The following TTBK1 variants were observed in gnomAD, a reference collection of about 807,000 sequenced individuals.
The protein encoded by TTBK1 is tau-tubulin kinase 1.
A neutral mutation model predicts 108.5 loss-of-function variants in TTBK1; 34 were observed. The observed-to-expected ratio is 0.31, with a 90% confidence interval of 0.24 to 0.42. The LOEUF (loss-of-function observed/expected upper bound fraction) is 0.42. Among genes scored for constraint, TTBK1 ranks in the 10% least tolerant of loss-of-function variants. The probability of loss-of-function intolerance (pLI) is 1.00; values close to 1 mark genes in which losing one functional copy is unlikely to be tolerated. For missense variants in TTBK1, 1,539 were observed against 1,826.0 expected, an observed-to-expected ratio of 0.84 and a Z score of 2.86; for synonymous variants, 809 against 795.1, an observed-to-expected ratio of 1.02 and a Z score of -0.29.
intron 2 of TTBK1, among the ~76,000 whole-genome samples, chr6:43,250,606 A>G (rs893248998): frequency 2.0e-5 from 3 of 151,982 alleles, no homozygotes; most frequent in African/African-American, 7.2e-5. Flanking sequence ...TGATCCACCC[A>G]CTTCAGCCTC....
At chr6:43,271,676 C>T in intron 13 of TTBK1, 1 of 985,344 alleles carries the variant, frequency 1.0e-6, no homozygotes, top group Non-Finnish European at 1.2e-6. Flanking sequence ...CAGAGGGCCA[C>T]CATTGTGGTA....
rs373491134 is a variant in TTBK1, at chr6:43,283,975, T to C, written c.3235T>C (p.Trp1079Arg). 2 of 1,610,950 alleles carry C rather than the reference T, an allele frequency of 1.2e-6. No homozygotes were observed. The highest frequency in any genetic ancestry group is 2.2e-5 in the East Asian group (1 of 44,764). Residue 1079 changes from tryptophan (W) to arginine (R), a missense_variant, in exon 14 of 15, where the codon TGG becomes CGG. Coordinates refer to ENST00000259750, the MANE Select transcript of TTBK1 (RefSeq NM_032538.3). This position sits in a 1 kb window ranked among gnomAD's most constrained non-coding sequence, Gnocchi z 8.1. Reference protein sequence around the residue: ...PSGSLSAKERWSKRARPQQDL... With the variant: ...PSGSLSAKERRSKRARPQQDL... ...AGGCTCACTGTCGGCCAAAGAGCGG[T>C]GGAGCAAGCGGGCTCGGCCGCAGCA...
chr6:43,278,087 T>C lies in TTBK1; in HGVS notation c.1987-4640T>C, dbSNP rs568082981. On this transcript the variant is annotated intron_variant, in intron 13 of 14. Coordinates refer to ENST00000259750, the MANE Select transcript of TTBK1 (RefSeq NM_032538.3). Reference sequence around the variant, plus strand: ...GCCTGAAGTCTGGGGCTGGCTGGGGTCCAGGCAGGAGTGGCTCCATGCACC... The same window carrying C: ...GCCTGAAGTCTGGGGCTGGCTGGGGCCCAGGCAGGAGTGGCTCCATGCACC... Among the ~76,000 whole-genome samples the C allele has an allele frequency of 4.6e-5, 7 of 152,030 alleles. No homozygotes were observed. In the South Asian group the frequency reaches 1.5e-3, roughly 32 times the overall value.
In TTBK1 at chr6:43,253,790, C is replaced by T; in HGVS notation, c.471+82C>T. Reference sequence around the variant, plus strand: ...CTTTCCCTGGGTCTCCTGGTTTCTCCTCTGCAACCATGGTTGGGACTTGTG... The same window carrying T: ...CTTTCCCTGGGTCTCCTGGTTTCTCTTCTGCAACCATGGTTGGGACTTGTG... On this transcript the variant is annotated intron_variant, in intron 5 of 14. Transcript: ENST00000259750. The surrounding 1 kb of genome is among the most constrained non-coding windows in gnomAD (Gnocchi z 5.8). The T allele has an allele frequency of 1.3e-6, 2 of 1,499,300 alleles. No individual in the cohort carries two copies. Among genetic ancestry groups the T allele is most frequent in the South Asian group, 2.7e-5 (2 of 74,000 alleles). The allele number at this position is 1,499,300 out of a possible 1,614,324, so 92.9% of individuals were successfully genotyped here.
Position 43,269,888 on chromosome 6 carries a change from G to T in TTBK1, c.1986+6538G>T. On this transcript the variant is annotated intron_variant, in intron 13 of 14. Transcript: ENST00000259750. The surrounding 1 kb of genome is among the most constrained non-coding windows in gnomAD (Gnocchi z 4.8). ...CTGGCAACCACAGACTCATGCCCTC[G>T]GTGCTCCGCATCTCGCGGTCCCAGC... 1 of 1,518,970 alleles carries T rather than the reference G, an allele frequency of 6.6e-7. No individual in the cohort carries two copies. The highest frequency in any genetic ancestry group is 8.8e-7 in the Non-Finnish European group (1 of 1,137,192). The allele number at this position is 1,518,970 out of a possible 1,614,324, so 94.1% of individuals were successfully genotyped here.
chr6:43,261,518 A>G (rs1777538494), intron 12 of TTBK1, among the ~76,000 whole-genome samples: 2 of 152,190 alleles, frequency 1.3e-5, no homozygotes, highest in South Asian at 4.1e-4. Flanking sequence ...TTCACAGCAC[A>G]GTTCAATATA....
At position 43,285,642 on chromosome 6, in the gene TTBK1, G is replaced by A; in HGVS notation, c.*266G>A. ...GTGTCCTCTCATCCTCCCGCCGCCC[G>A]TCAGGCCGGCCAGCCTCACATCAGT... On this transcript the variant is annotated 3_prime_UTR_variant, in exon 15 of 15. Coordinates refer to ENST00000259750, the MANE Select transcript of TTBK1 (RefSeq NM_032538.3). This position sits in a 1 kb window ranked among gnomAD's most constrained non-coding sequence, Gnocchi z 4.7. 1 of 302,606 alleles carries A rather than the reference G, an allele frequency of 3.3e-6. No individual in the cohort carries two copies. The highest frequency in any genetic ancestry group is 5.9e-6 in the Non-Finnish European group (1 of 168,150). 18.7% of individuals were successfully genotyped at this position (302,606 alleles called of 1,614,324 possible).
chr6:43,284,365 AC>A, intron 14 of TTBK1, 53 bp downstream of exon 14: 1 of 1,498,616 alleles, frequency 6.7e-7, no homozygotes. Context: ...ACAGGCCTCC[AC>A]CAGGAGGGGC....
intron 1 of TTBK1, among the ~76,000 whole-genome samples, chr6:43,245,350 T>C (rs867879655): frequency 1.4e-4 from 22 of 152,060 alleles, no homozygotes; most frequent in African/African-American, 4.8e-4. Context: ...TTCTAAAAAG[T>C]GTGAGGGAAA....
Position 43,248,259 on chromosome 6 carries a change from C to T in TTBK1, c.108+1491C>T, listed in dbSNP as rs187104130. Among the ~76,000 whole-genome samples, 5 of 152,274 alleles carry T rather than the reference C, an allele frequency of 3.3e-5. No homozygotes were observed. The East Asian group carries it at 7.7e-4, about 23-fold the overall frequency. On this transcript the variant is annotated intron_variant, in intron 2 of 14. Transcript: ENST00000259750. The stretch of plus-strand genomic sequence containing the variant: ...GCAACCTCTCCTCACCTCCGACCCC[C>T]ACCCCTGGAGTGTTAGAGAGGGTGA...
At chr6:43,246,850 T>C in intron 2 of TTBK1, 82 bp downstream of exon 2, 1 of 1,077,046 alleles carries the variant, frequency 9.3e-7, no homozygotes, top group Non-Finnish European at 1.4e-6. Context: ...ACCGGTGCCC[T>C]CCGCTCCCCT....
chr6:43,259,739 C>G lies in TTBK1; in HGVS notation c.1424+33C>G, dbSNP rs1189335512. On this transcript the variant is annotated intron_variant, in intron 12 of 14. Transcript: ENST00000259750. The surrounding 1 kb of genome is among the most constrained non-coding windows in gnomAD (Gnocchi z 6.7). ...TGGGGCCAGGGGCATGGTTGGGGCC[C>G]AAGGCCCTCTCCGCCTTCACGTGGC... 1 of 1,518,768 alleles carries G rather than the reference C, an allele frequency of 6.6e-7. No individual in the cohort carries two copies. The highest frequency in any genetic ancestry group is 2.4e-5 in the East Asian group (1 of 41,256). 94.1% of individuals were successfully genotyped at this position (1,518,768 alleles called of 1,614,324 possible). A position where few individuals can be genotyped will look rare whatever the true frequency, so the allele number is the denominator to read the frequency against.
intron 2 of TTBK1, among the ~76,000 whole-genome samples, chr6:43,252,002 G>C (rs764450259): frequency 6.6e-6 from 1 of 152,182 alleles, no homozygotes; most frequent in African/African-American, 2.4e-5. Context: ...TCTGGCAATT[G>C]GTTTTCCTTC....
chr6:43,253,815 G>A lies in TTBK1; in HGVS notation c.471+107G>A. 1 of 1,401,158 alleles carries A rather than the reference G, an allele frequency of 7.1e-7. No homozygotes were observed. The highest frequency in any genetic ancestry group is 9.5e-7 in the Non-Finnish European group (1 of 1,049,416). 86.8% of individuals were successfully genotyped at this position (1,401,158 alleles called of 1,614,324 possible). A position where few individuals can be genotyped will look rare whatever the true frequency, so the allele number is the denominator to read the frequency against. ...CTCTGCAACCATGGTTGGGACTTGT[G>A]ATGGGACAGCCTCTTCTCCCCAAGC... On this transcript the variant is annotated intron_variant, in intron 5 of 14. Coordinates refer to ENST00000259750, the MANE Select transcript of TTBK1 (RefSeq NM_032538.3). The surrounding 1 kb of genome is among the most constrained non-coding windows in gnomAD (Gnocchi z 5.8).
intron 12 of TTBK1, among the ~76,000 whole-genome samples, chr6:43,262,444 G>GGAA (rs1777566598): frequency 6.6e-6 from 1 of 152,172 alleles, no homozygotes. Flanking sequence ...GCTTGCCTGA[G>GGAA]GAAGATTAGC....
In TTBK1 at chr6:43,262,753, G is replaced by A. The variant is rs759875982; in HGVS notation, c.1425-36G>A. 2.8e-4 allele frequency: 412 copies of A among 1,494,004 alleles called. 1 individual carries two copies. The highest frequency in any genetic ancestry group is 3.3e-4 in the Non-Finnish European group (368 of 1,120,236). The allele number at this position is 1,494,004 out of a possible 1,614,324, so 92.5% of individuals were successfully genotyped here. On this transcript the variant is annotated intron_variant, in intron 12 of 14. Coordinates refer to ENST00000259750, the MANE Select transcript of TTBK1 (RefSeq NM_032538.3). Reference sequence around the variant, plus strand: ...GTGGGGTCCTTGGGGGTCCAGTGGGGCCAGGTATTGAGCCCCGTGAGGGGT... The same window carrying A: ...GTGGGGTCCTTGGGGGTCCAGTGGGACCAGGTATTGAGCCCCGTGAGGGGT...
intron 12 of TTBK1, among the ~76,000 whole-genome samples, chr6:43,261,815 A>G (rs1777547372): frequency 6.6e-6 from 1 of 150,580 alleles, no homozygotes; most frequent in South Asian, 2.1e-4. Flanking sequence ...TCTCAAAAAA[A>G]AAAAAAAAAA....
intron 10 of TTBK1, 80 bp downstream of exon 10, chr6:43,258,046 CTT>C: frequency 6.7e-7 from 1 of 1,487,082 alleles, no homozygotes; most frequent in Non-Finnish European, 9.0e-7. Flanking sequence ...CCTCTCCTCT[CTT>C]CCTATCTGGA....
Position 43,276,915 on chromosome 6 carries a change from T to C in TTBK1, c.1987-5812T>C, listed in dbSNP as rs1420733398. ...TGAGTCACCCTTGCCCTGCTGGCAG[T>C]CTCCTTTCACTGAACGGGTGGGGAG... On this transcript the variant is annotated intron_variant, in intron 13 of 14. Coordinates refer to ENST00000259750, the MANE Select transcript of TTBK1 (RefSeq NM_032538.3). This position sits in a 1 kb window ranked among gnomAD's most constrained non-coding sequence, Gnocchi z 5.4. Among the ~76,000 whole-genome samples the C allele has an allele frequency of 6.6e-6, 1 of 152,050 alleles. No homozygotes were observed. Among genetic ancestry groups the C allele is most frequent in the East Asian group, 1.9e-4 (1 of 5,168 alleles).
Sources: gnomAD v4.1 joint callset for allele counts (sites outside exome capture counted in the v4.1 genomes callset) on GRCh38, gnomAD v4.1.1 for gene constraint, Gnocchi (gnomAD v3.1) non-coding constraint, MANE v1.5 for transcripts, NCBI Gene and HGNC (gene_info 2026-07-23, HGNC 2026-07-21) for gene names.